The following ERC1 variants were observed in gnomAD, a reference collection of about 807,000 sequenced individuals.
ERC1 encodes the protein RAB6 interacting protein 2.
Under a neutral mutation model 132.0 loss-of-function variants are expected in ERC1, and 56 were observed. The ratio of observed to expected loss-of-function variants is 0.42; its 90% confidence interval spans 0.34 to 0.53. The LOEUF is 0.53. ERC1 is among the 20% of genes least tolerant of loss of function. The probability of loss-of-function intolerance (pLI) is 0.03; values close to 1 mark genes in which losing one functional copy is unlikely to be tolerated. For missense variants in ERC1, 1,202 were observed against 1,349.9 expected (o/e 0.89, Z 1.72); for synonymous variants, 478 against 476.1 (o/e 1.00, Z -0.05).
chr12:1,200,377 G>T (rs1361895908), intron 12 of ERC1, among the ~76,000 whole-genome samples: 1 of 151,470 alleles, frequency 6.6e-6, no homozygotes, highest in East Asian at 1.9e-4. Flanking sequence ...TACTTTTTTT[G>T]AAAAAGAAAA....
chr12:997,976 A>G (rs1181245364), intron 1 of ERC1, among the ~76,000 whole-genome samples: 6 of 152,200 alleles, frequency 3.9e-5, no homozygotes, highest in South Asian at 2.1e-4. Context: ...TTTCCACCCT[A>G]TTGGCTTGTT....
chr12:1,306,694 T>C (rs1433928493), intron 15 of ERC1, among the ~76,000 whole-genome samples: 1 of 152,174 alleles, frequency 6.6e-6, no homozygotes, highest in East Asian at 1.9e-4. Context: ...TAATTTCCAA[T>C]TGTAGAAGAG....
intron 16 of ERC1, among the ~76,000 whole-genome samples, chr12:1,383,274 A>G (rs1343062152): frequency 6.6e-6 from 1 of 152,090 alleles, no homozygotes; most frequent in African/African-American, 2.4e-5. Flanking sequence ...GGTGTGATTT[A>G]TAGCTGCCTT....
chr12:1,369,058 T>TA lies in ERC1; in HGVS notation c.2781-2767dup, dbSNP rs199807855. 4.0e-3 allele frequency among the ~76,000 whole-genome samples: 601 copies of TA among 151,894 alleles called. 1 individual carries two copies. The highest frequency in any genetic ancestry group is 0.012 in the African/African-American group (513 of 41,440). On this transcript the variant is annotated intron_variant, in intron 15 of 18. Coordinates refer to ENST00000360905, the MANE Select transcript of ERC1 (RefSeq NM_178040.4). ...TCCATAGCATATTATCATTGCTTAG[T>TA]AAAAAAAATAGCATCAATGAAATAA...
intron 2 of ERC1, among the ~76,000 whole-genome samples, chr12:1,060,492 C>A (rs1257387438): frequency 1.3e-5 from 2 of 152,040 alleles, no homozygotes; most frequent in Non-Finnish European, 2.9e-5. Context: ...CATGTCCCTA[C>A]AAAGGACATG....
intron 18 of ERC1, among the ~76,000 whole-genome samples, chr12:1,453,805 GTCTTA>G (rs557336275): frequency 2.3e-4 from 35 of 152,086 alleles, no homozygotes; most frequent in African/African-American, 5.8e-4. Context: ...ATATTACTTT[GTCTTA>G]TCTTCTTCAG....
intron 8 of ERC1, among the ~76,000 whole-genome samples, chr12:1,146,773 C>T (rs1013034360): frequency 1.8e-4 from 22 of 125,228 alleles, no homozygotes; most frequent in South Asian, 1.5e-3. Flanking sequence ...ATCCCTCCCC[C>T]AACCCCCACC....
chr12:1,120,445 A>G (rs768420788), intron 7 of ERC1, among the ~76,000 whole-genome samples: 18 of 152,180 alleles, frequency 1.2e-4, no homozygotes, highest in Non-Finnish European at 1.5e-5. Context: ...TGCTTTTATA[A>G]TTGAGAATTT....
chr12:994,887 G>C (rs1187470189), intron 1 of ERC1, among the ~76,000 whole-genome samples: 1 of 152,144 alleles, frequency 6.6e-6, no homozygotes, highest in Non-Finnish European at 1.5e-5. Context: ...ATGAGGTCAG[G>C]GGTTCGAGAC....
intron 15 of ERC1, among the ~76,000 whole-genome samples, chr12:1,363,579 G>T (rs1221550300): frequency 7.7e-6 from 1 of 129,464 alleles, no homozygotes; most frequent in Non-Finnish European, 1.6e-5. Flanking sequence ...TAGAGACAGG[G>T]TCTTGCTCTG....
chr12:1,316,183 G>A (rs749905228), intron 15 of ERC1, among the ~76,000 whole-genome samples: 4 of 152,274 alleles, frequency 2.6e-5, no homozygotes, highest in East Asian at 3.9e-4. Context: ...CACCGCGCCC[G>A]GCTGGTAAAC....
chr12:1,215,773 A>G (rs1195238393), intron 12 of ERC1, among the ~76,000 whole-genome samples: 1 of 152,180 alleles, frequency 6.6e-6, no homozygotes, highest in African/African-American at 2.4e-5. Context: ...TGAAAAGGCA[A>G]AAAAACAAAA....
intron 1 of ERC1, among the ~76,000 whole-genome samples, chr12:997,021 C>T (rs1049913299): frequency 4.6e-5 from 7 of 152,092 alleles, no homozygotes; most frequent in Admixed American, 3.3e-4. Context: ...TGGGCTCAAG[C>T]GATCTTCCCA....
intron 16 of ERC1, among the ~76,000 whole-genome samples, chr12:1,406,840 T>C (rs530074526): frequency 6.6e-6 from 1 of 152,314 alleles, no homozygotes; most frequent in Admixed American, 6.5e-5. Context: ...GCCACTGTAC[T>C]GTACAGCCTG....
intron 1 of ERC1, among the ~76,000 whole-genome samples, chr12:1,019,087 A>T (rs1289453897): frequency 1.3e-5 from 2 of 152,186 alleles, no homozygotes; most frequent in Admixed American, 1.3e-4. Context: ...GGGCCAAATG[A>T]TGAAAAATCT....
intron 12 of ERC1, among the ~76,000 whole-genome samples, chr12:1,233,303 T>A (rs1481732177): frequency 1.3e-5 from 2 of 151,876 alleles, no homozygotes; most frequent in Non-Finnish European, 2.9e-5. Flanking sequence ...AAACCCCTTC[T>A]CTACTAAAAA....
At chr12:1,073,172 G>A (rs966484190) in intron 2 of ERC1, among the ~76,000 whole-genome samples, 9 of 152,160 alleles carry the variant, frequency 5.9e-5, no homozygotes, top group South Asian at 2.1e-4. Flanking sequence ...TGGTGGCTGT[G>A]CACTTGTAGT....
intron 17 of ERC1, among the ~76,000 whole-genome samples, chr12:1,423,309 C>A (rs2092495168): frequency 6.6e-6 from 1 of 152,174 alleles, no homozygotes. Flanking sequence ...TCATCAGAAC[C>A]CCCCACCACT....
chr12:1,114,466 G>A (rs1946234986), intron 6 of ERC1, among the ~76,000 whole-genome samples: 1 of 145,160 alleles, frequency 6.9e-6, no homozygotes, highest in Non-Finnish European at 1.5e-5. Flanking sequence ...GGAGGTAGCT[G>A]GAAATTTGAA....
Sources: allele counts gnomAD v4.1 joint callset (sites outside exome capture counted in the v4.1 genomes callset), GRCh38; gene constraint gnomAD v4.1.1; transcripts MANE v1.5; gene names NCBI Gene and HGNC (gene_info 2026-07-23, HGNC 2026-07-21).